Variants in MAGI2 observed in about 807,000 individuals in gnomAD.
The protein encoded by MAGI2 is membrane associated guanylate kinase, WW and PDZ domain containing 2, also known as membrane-associated guanylate kinase, WW and PDZ domain-containing protein 2.
A neutral mutation model predicts 133.3 loss-of-function variants in MAGI2; 35 were observed. That is an observed-to-expected ratio of 0.26 (90% CI 0.20 to 0.35). The LOEUF (loss-of-function observed/expected upper bound fraction) is 0.35. Ranked by LOEUF, MAGI2 falls within the 10% of genes least tolerant of loss-of-function variation. The pLI is 1.00. For synonymous variants in MAGI2, 729 were observed against 710.6 expected (o/e 1.03, Z -0.41); for missense variants, 1,636 against 1,863.4 (o/e 0.88, Z 2.25).
At chr7:79,383,963 A>C in intron 1 of MAGI2, among the ~76,000 whole-genome samples, 1 of 151,672 alleles carries the variant, frequency 6.6e-6, no homozygotes, top group Non-Finnish European at 1.5e-5. Flanking sequence ...AAATGTTATA[A>C]ATATATTCTA....
intron 2 of MAGI2, among the ~76,000 whole-genome samples, chr7:78,687,261 C>T (rs1816422031): frequency 6.6e-6 from 1 of 152,124 alleles, no homozygotes. Flanking sequence ...TATATAAACG[C>T]TATATACCAC....
intron 6 of MAGI2, among the ~76,000 whole-genome samples, chr7:78,450,981 CAAGT>C (rs1203548512): frequency 6.6e-6 from 1 of 151,806 alleles, no homozygotes; most frequent in African/African-American, 2.4e-5. Flanking sequence ...TAGGGCATGA[CAAGT>C]AAGAAAAGAC....
chr7:78,132,430 A>T (rs1319763350), intron 18 of MAGI2, among the ~76,000 whole-genome samples: 3 of 152,192 alleles, frequency 2.0e-5, no homozygotes, highest in Non-Finnish European at 4.4e-5. Flanking sequence ...TAAAGATCAA[A>T]ACATTAAGTA....
chr7:78,945,133 C>A (rs1042845835), intron 2 of MAGI2, among the ~76,000 whole-genome samples: 1 of 152,016 alleles, frequency 6.6e-6, no homozygotes, highest in Non-Finnish European at 1.5e-5. Flanking sequence ...GTGATCTTGG[C>A]TTATTGCAAC....
At chr7:78,422,756 G>T (rs1034896855) in intron 6 of MAGI2, among the ~76,000 whole-genome samples, 1 of 152,070 alleles carries the variant, frequency 6.6e-6, no homozygotes, top group East Asian at 1.9e-4. Flanking sequence ...TTGAAAGGTG[G>T]TCATTAATGT....
intron 16 of MAGI2, among the ~76,000 whole-genome samples, chr7:78,141,478 A>C (rs898508007): frequency 6.6e-6 from 1 of 152,134 alleles, no homozygotes; most frequent in East Asian, 1.9e-4. Flanking sequence ...CTTTGTCATC[A>C]TGGGGTGGAG....
chr7:79,016,653 G>A (rs1454877110), intron 1 of MAGI2, among the ~76,000 whole-genome samples: 3 of 152,056 alleles, frequency 2.0e-5, no homozygotes, highest in Admixed American at 6.5e-5. Context: ...AGATGCGTGT[G>A]CACCATGCTG....
chr7:79,283,173 T>TCAGAAA (rs1835776201), intron 1 of MAGI2, among the ~76,000 whole-genome samples: 1 of 152,078 alleles, frequency 6.6e-6, no homozygotes, highest in Non-Finnish European at 1.5e-5. Flanking sequence ...GTTCAGAAAT[T>TCAGAAA]TTAAGAATCC....
At chr7:78,942,601 G>C (rs1365163017) in intron 2 of MAGI2, among the ~76,000 whole-genome samples, 1 of 152,060 alleles carries the variant, frequency 6.6e-6, no homozygotes, top group African/African-American at 2.4e-5. Flanking sequence ...TTTCTGGGTA[G>C]TTCATCATGA....
intron 1 of MAGI2, among the ~76,000 whole-genome samples, chr7:79,047,966 G>C (rs879921199): frequency 2.0e-5 from 3 of 152,126 alleles, no homozygotes; most frequent in Non-Finnish European, 4.4e-5. Context: ...TCTGAACTAT[G>C]AAAATGTAAG....
chr7:78,968,615 T>C (rs949798942), intron 2 of MAGI2, among the ~76,000 whole-genome samples: 2 of 152,120 alleles, frequency 1.3e-5, no homozygotes, highest in Admixed American at 6.6e-5. Flanking sequence ...ACTTTTCAGC[T>C]ATTGTTATAT....
chr7:79,170,039 T>C (rs1424886618), intron 1 of MAGI2, among the ~76,000 whole-genome samples: 1 of 151,698 alleles, frequency 6.6e-6, no homozygotes, highest in Non-Finnish European at 1.5e-5. Flanking sequence ...AGGACTATAT[T>C]TTACACAAAA....
chr7:78,209,094 C>A (rs866756235), intron 10 of MAGI2, among the ~76,000 whole-genome samples: 3 of 128,502 alleles, frequency 2.3e-5, no homozygotes, highest in South Asian at 5.7e-4. Context: ...TGGTGGCGGG[C>A]GCCTGTAGTC....
chr7:79,034,976 TA>T (rs1233671629), intron 1 of MAGI2, among the ~76,000 whole-genome samples: 2 of 152,230 alleles, frequency 1.3e-5, no homozygotes, highest in East Asian at 1.9e-4. Context: ...ACTGATATCC[TA>T]AATGTAAACC....
At chr7:78,551,038 T>G in intron 3 of MAGI2, among the ~76,000 whole-genome samples, 1 of 152,242 alleles carries the variant, frequency 6.6e-6, no homozygotes, top group East Asian at 1.9e-4. Context: ...AGAATAGATT[T>G]AGTGAGTTGT....
intron 1 of MAGI2, among the ~76,000 whole-genome samples, chr7:79,435,791 C>A: frequency 6.6e-6 from 1 of 151,940 alleles, no homozygotes; most frequent in Non-Finnish European, 1.5e-5. Context: ...ACCAAAAGAG[C>A]CTGAATAGTC....
At chr7:79,407,316 C>A (rs1444853238) in intron 1 of MAGI2, among the ~76,000 whole-genome samples, 1 of 152,126 alleles carries the variant, frequency 6.6e-6, no homozygotes, top group East Asian at 1.9e-4. Flanking sequence ...GGCTATTTTT[C>A]CAGATCAGCC....
chr7:78,703,681 C>A (rs73149082), intron 2 of MAGI2, among the ~76,000 whole-genome samples: 7,529 of 152,028 alleles, frequency 0.05, 275 homozygotes, highest in Non-Finnish European at 0.077. Flanking sequence ...CTCTGCATTT[C>A]TGATGCTATT....
At chr7:78,448,296 G>C (rs1788362493) in intron 6 of MAGI2, among the ~76,000 whole-genome samples, 1 of 152,036 alleles carries the variant, frequency 6.6e-6, no homozygotes, top group East Asian at 1.9e-4. Flanking sequence ...ATACCCAGTA[G>C]TCGAATTGCT....
Sources: gnomAD v4.1 joint callset for allele counts (sites outside exome capture counted in the v4.1 genomes callset) on GRCh38, gnomAD v4.1.1 for gene constraint, MANE v1.5 for transcripts, NCBI Gene and HGNC (gene_info 2026-07-23, HGNC 2026-07-21) for gene names.